SH3BGRL: variants seen among roughly 807,000 people sequenced by gnomAD.
SH3BGRL encodes adapter SH3BGRL.
Under a neutral mutation model 9.8 loss-of-function variants are expected in SH3BGRL, and 7 were observed. The ratio of observed to expected loss-of-function variants is 0.72; its 90% confidence interval spans 0.41 to 1.35. SH3BGRL has a LOEUF of 1.35. SH3BGRL is among the 40% of genes most tolerant of loss of function. The pLI, the probability that SH3BGRL is intolerant of heterozygous loss-of-function variation, is 0.01. For synonymous variants in SH3BGRL, 36 were observed against 29.1 expected (o/e 1.24, Z -0.76); for missense variants, 73 against 84.4 (o/e 0.86, Z 0.53).
intron 1 of SH3BGRL, among the ~76,000 whole-genome samples, chrX:81,243,888 T>C (rs1341393662): frequency 1.8e-5 from 2 of 111,446 alleles, no homozygotes; most frequent in Non-Finnish European, 3.8e-5. Flanking sequence ...TACTACCTTA[T>C]GTCTAATAGG....
intron 3 of SH3BGRL, among the ~76,000 whole-genome samples, chrX:81,284,438 T>C (rs949096863): frequency 2.7e-5 from 3 of 109,149 alleles, no homozygotes; most frequent in African/African-American, 1.0e-4. Flanking sequence ...TAGGAATTAA[T>C]GAGTTGCTTG....
At position 81,250,129 on chromosome X, in the gene SH3BGRL, A is replaced by C. The variant is rs751272198; in HGVS notation, c.46-26855A>C. ...AAAATAGTTTCAACTGGCCAGGTTC[A>C]GTGGCTCACACCTGTAGCCCCAGCA... is the stretch of plus-strand genomic sequence containing the variant. On this transcript the variant is annotated intron_variant, in intron 1 of 3. Transcript: ENST00000373212. Among the ~76,000 whole-genome samples, 4 of 109,774 alleles carry C rather than the reference A, an allele frequency of 3.6e-5. No individual in the cohort carries two copies. In the South Asian group the frequency reaches 1.6e-3, roughly 43 times the overall value.
intron 1 of SH3BGRL, among the ~76,000 whole-genome samples, chrX:81,218,071 C>T (rs934887197): frequency 1.8e-5 from 2 of 110,791 alleles, no homozygotes; most frequent in Non-Finnish European, 3.8e-5. Context: ...AATAACTACT[C>T]CTGCTTGCTT....
intron 1 of SH3BGRL, among the ~76,000 whole-genome samples, chrX:81,238,823 AGAGG>A (rs1490997846): frequency 1.1e-4 from 12 of 109,196 alleles, no homozygotes; most frequent in African/African-American, 3.4e-4. Flanking sequence ...AGAGAGAGAG[AGAGG>A]GAGAGAGAGA....
rs2075670818 is a variant in SH3BGRL, at chrX:81,241,784, G to A, written c.46-35200G>A. On this transcript the variant is annotated intron_variant, in intron 1 of 3. Transcript: ENST00000373212. Reference sequence around the variant, plus strand: ...AGTTCCTGGCATCTGCAACTTCCAAGCATCACCACGTTCCTCTCGTCCAGA... The same window carrying A: ...AGTTCCTGGCATCTGCAACTTCCAAACATCACCACGTTCCTCTCGTCCAGA... Among the ~76,000 whole-genome samples, 3 of 112,351 alleles carry A rather than the reference G, an allele frequency of 2.7e-5. No individual in the cohort carries two copies. In the Admixed American group the frequency reaches 2.8e-4, roughly 10 times the overall value.
chrX:81,297,243 C>T lies in SH3BGRL; in HGVS notation c.*16C>T. On this transcript the variant is annotated 3_prime_UTR_variant, in exon 4 of 4. Coordinates refer to ENST00000373212, the MANE Select transcript of SH3BGRL (RefSeq NM_003022.3). ...GCAAGCATGAACCTTAAGCACTGTG[C>T]TTTAAGCATCCTGAAAAATGAGTCT... The T allele has an allele frequency of 8.4e-7, 1 of 1,183,764 alleles. No homozygotes were observed. Among genetic ancestry groups the T allele is most frequent in the Non-Finnish European group, 1.1e-6 (1 of 874,981 alleles).
At chrX:81,278,258 C>T (rs1251944977) in intron 2 of SH3BGRL, 73 bp from the exon 3 acceptor site, 8 of 781,135 alleles carry the variant, frequency 1.0e-5, no homozygotes, top group South Asian at 2.6e-5. Flanking sequence ...CCACTGCTTT[C>T]GGCTGAATAA....
chrX:81,287,420 A>G (rs1234610558), intron 3 of SH3BGRL, among the ~76,000 whole-genome samples: 1 of 112,288 alleles, frequency 8.9e-6, no homozygotes, highest in Non-Finnish European at 1.9e-5. Context: ...AGATTGAACC[A>G]TGAAGAAATC....
intron 1 of SH3BGRL, among the ~76,000 whole-genome samples, chrX:81,218,268 A>AT (rs1052708672): frequency 2.4e-4 from 26 of 109,351 alleles, no homozygotes; most frequent in Non-Finnish European, 5.0e-4. Context: ...GTGTTGAGAG[A>AT]TTTTTTTCAT....
intron 1 of SH3BGRL, among the ~76,000 whole-genome samples, chrX:81,228,145 C>T (rs2075622605): frequency 8.9e-6 from 1 of 111,779 alleles, no homozygotes; most frequent in African/African-American, 3.3e-5. Flanking sequence ...TATTCTGAAC[C>T]ATATCTAAGT....
At chrX:81,212,518 T>G (rs1280489738) in intron 1 of SH3BGRL, among the ~76,000 whole-genome samples, 1 of 111,984 alleles carries the variant, frequency 8.9e-6, no homozygotes, top group Non-Finnish European at 1.9e-5. Context: ...TGACTAAACA[T>G]TTACAAATTG....
At chrX:81,255,985 T>C (rs2075724433) in intron 1 of SH3BGRL, among the ~76,000 whole-genome samples, 1 of 112,451 alleles carries the variant, frequency 8.9e-6, no homozygotes, top group South Asian at 3.7e-4. Flanking sequence ...CTGAGAATTT[T>C]CATGTGTGTT....
At chrX:81,204,218 C>T (rs180991339) in intron 1 of SH3BGRL, among the ~76,000 whole-genome samples, 2 of 111,800 alleles carry the variant, frequency 1.8e-5, no homozygotes, top group Non-Finnish European at 3.8e-5. Flanking sequence ...TTCAATGAAC[C>T]TGTTATCAAA....
chrX:81,259,517 T>G (rs1422814691), intron 1 of SH3BGRL, among the ~76,000 whole-genome samples: 1 of 111,681 alleles, frequency 9.0e-6, no homozygotes, highest in African/African-American at 3.3e-5. Flanking sequence ...GGCAGGGAAG[T>G]GGAAGCTGGA....
rs750368270 is a variant in SH3BGRL, at chrX:81,204,589, AT to A, written c.45+2346del. 1.3e-4 allele frequency among the ~76,000 whole-genome samples: 14 copies of A among 110,202 alleles called. No individual in the cohort carries two copies. The East Asian group carries it at 4.0e-3, about 31-fold the overall frequency. On this transcript the variant is annotated intron_variant, in intron 1 of 3. Transcript: ENST00000373212. The stretch of plus-strand genomic sequence containing the variant: ...TTTCTTAATCTTCCTACTGGTTGTC[AT>A]TAAAAAAAAAAACAACAGATGTTAT...
intron 3 of SH3BGRL, among the ~76,000 whole-genome samples, chrX:81,288,966 A>G (rs1223291290): frequency 8.9e-6 from 1 of 112,251 alleles, no homozygotes; most frequent in Non-Finnish European, 1.9e-5. Context: ...CAGAATAGCC[A>G]TAGCTATCCT....
intron 2 of SH3BGRL, among the ~76,000 whole-genome samples, chrX:81,277,525 T>A (rs1274861406): frequency 1.8e-5 from 2 of 112,401 alleles, no homozygotes; most frequent in African/African-American, 6.5e-5. Flanking sequence ...TGGTCATGCA[T>A]CATGGACATC....
chrX:81,245,636 A>G (rs1439258521), intron 1 of SH3BGRL, among the ~76,000 whole-genome samples: 2 of 111,941 alleles, frequency 1.8e-5, no homozygotes, highest in Non-Finnish European at 3.8e-5. Context: ...AGAGATAGAA[A>G]TTACAGAATA....
intron 1 of SH3BGRL, among the ~76,000 whole-genome samples, chrX:81,242,731 A>C (rs1419540036): frequency 1.8e-5 from 2 of 111,928 alleles, no homozygotes; most frequent in Non-Finnish European, 3.8e-5. Context: ...GAGGAAAAAA[A>C]AACTTATAAT....
Sources: allele counts gnomAD v4.1 joint callset (sites outside exome capture counted in the v4.1 genomes callset), GRCh38; gene constraint gnomAD v4.1.1; transcripts MANE v1.5; gene names NCBI Gene and HGNC (gene_info 2026-07-23, HGNC 2026-07-21).